The following IQCH variants were observed in gnomAD, a reference collection of about 807,000 sequenced individuals.
The protein encoded by IQCH is IQ domain-containing protein H.
Under a neutral mutation model 117.0 loss-of-function variants are expected in IQCH, and 98 were observed. The observed-to-expected ratio is 0.84, with a 90% CI of 0.71 to 0.99. The LOEUF (loss-of-function observed/expected upper bound fraction) is 0.99. Ranked by LOEUF, IQCH falls within the 50% of genes least tolerant of loss-of-function variation. IQCH has a pLI of 0.00. For synonymous variants in IQCH, 412 were observed against 448.2 expected (o/e 0.92, Z 1.02); for missense variants, 1,102 against 1,243.8 (o/e 0.89, Z 1.72).
intron 4 of IQCH, among the ~76,000 whole-genome samples, chr15:67,308,241 T>G (rs773980456): frequency 1.6e-4 from 24 of 152,158 alleles, no homozygotes; most frequent in Non-Finnish European, 2.6e-4. Context: ...AAAACAGATG[T>G]GGGTATTCAC....
In IQCH at chr15:67,417,694, G is replaced by A. The variant is rs571460992; in HGVS notation, c.2218+643G>A. Among the ~76,000 whole-genome samples, 6 of 152,088 alleles carry A rather than the reference G, an allele frequency of 3.9e-5. No homozygotes were observed. The South Asian group carries it at 1.2e-3, about 32-fold the overall frequency. On this transcript the variant is annotated intron_variant, in intron 15 of 20. Transcript: ENST00000335894. The surrounding 1 kb of genome is among the most constrained non-coding windows in gnomAD (Gnocchi z 4.3). ...GAATGAGGGAATGAATGGAGTGAAT[G>A]ATGCCTGTCTACCGTCTCAGAGGTC...
Position 67,376,737 on chromosome 15 carries a change from C to T in IQCH, c.1372+3304C>T, listed in dbSNP as rs1596283421. 6.6e-6 allele frequency among the ~76,000 whole-genome samples: 1 copy of T among 152,178 alleles called. No homozygotes were observed. Among genetic ancestry groups the T allele is most frequent in the African/African-American group, 2.4e-5 (1 of 41,528 alleles). ...GATGGCCTTTCAGTAATGTTTTTGA[C>T]CACAAAATATTTATAAAGTATTTTA... On this transcript the variant is annotated intron_variant, in intron 10 of 20. Coordinates refer to ENST00000335894, the MANE Select transcript of IQCH (RefSeq NM_001031715.3). The surrounding 1 kb of genome is among the most constrained non-coding windows in gnomAD (Gnocchi z 5.0).
intron 6 of IQCH, among the ~76,000 whole-genome samples, chr15:67,349,859 C>T (rs1461330664): frequency 6.6e-6 from 1 of 152,226 alleles, no homozygotes; most frequent in East Asian, 1.9e-4. Flanking sequence ...CAAATTAAAA[C>T]CACAGTGGGA....
At chr15:67,410,692 G>C (rs1260196568) in intron 14 of IQCH, among the ~76,000 whole-genome samples, 1 of 152,204 alleles carries the variant, frequency 6.6e-6, no homozygotes, top group African/African-American at 2.4e-5. Context: ...AGTTAGGCAT[G>C]GGGAAAGTAT....
rs1487460316 is a variant in IQCH at position 67,425,353 on chromosome 15, C to G, written c.2505+3776C>G. Reference sequence around the variant, plus strand: ...TTCTGGCCAGGTGCGGTGGCTCACGCCTGTAATCCCAGCACTTTGGGTGGC... The same window carrying G: ...TTCTGGCCAGGTGCGGTGGCTCACGGCTGTAATCCCAGCACTTTGGGTGGC... On this transcript the variant is annotated intron_variant, in intron 16 of 20. Transcript: ENST00000335894. The surrounding 1 kb of genome is among the most constrained non-coding windows in gnomAD (Gnocchi z 5.5). Among the ~76,000 whole-genome samples, 1 of 152,192 alleles carries G rather than the reference C, an allele frequency of 6.6e-6. No homozygotes were observed. The highest frequency in any genetic ancestry group is 1.9e-4 in the East Asian group (1 of 5,202).
chr15:67,487,071 G>A (rs1428804307), intron 18 of IQCH, among the ~76,000 whole-genome samples: 1 of 152,228 alleles, frequency 6.6e-6, no homozygotes, highest in African/African-American at 2.4e-5. Context: ...AGTGGCTCAC[G>A]CCTGTAATCC....
At chr15:67,306,774 A>G in intron 4 of IQCH, 5 of 1,270,682 alleles carry the variant, frequency 3.9e-6, no homozygotes, top group Non-Finnish European at 5.5e-6. Context: ...GATTTTTTCA[A>G]TATCTTCAAT....
At chr15:67,310,906 G>A (rs1313859368) in intron 4 of IQCH, among the ~76,000 whole-genome samples, 2 of 152,076 alleles carry the variant, frequency 1.3e-5, no homozygotes, top group Admixed American at 1.3e-4. Context: ...AATGGGATGT[G>A]ATAGAACATC....
intron 2 of IQCH, among the ~76,000 whole-genome samples, chr15:67,262,135 G>A (rs997894349): frequency 6.6e-6 from 1 of 151,678 alleles, no homozygotes; most frequent in Non-Finnish European, 1.5e-5. Context: ...TCCCCTAATA[G>A]CCTAAATATT....
chr15:67,453,498 A>G lies in IQCH; in HGVS notation c.2506-11629A>G, dbSNP rs993093108. Among the ~76,000 whole-genome samples, 2 of 152,236 alleles carry G rather than the reference A, an allele frequency of 1.3e-5. No homozygotes were observed. The highest frequency in any genetic ancestry group is 4.8e-5 in the African/African-American group (2 of 41,464). ...AGTTTGCTAGAAGTCCACTCCAGAC[A>G]CTGTTTGCCTGGGTATCAGCAGCGG... is the stretch of plus-strand genomic sequence containing the variant. On this transcript the variant is annotated intron_variant, in intron 16 of 20. Coordinates refer to ENST00000335894, the MANE Select transcript of IQCH (RefSeq NM_001031715.3). The surrounding 1 kb of genome is among the most constrained non-coding windows in gnomAD (Gnocchi z 5.8).
intron 4 of IQCH, among the ~76,000 whole-genome samples, chr15:67,297,289 C>T (rs908442713): frequency 8.5e-5 from 13 of 152,092 alleles, no homozygotes; most frequent in Admixed American, 2.6e-4. Flanking sequence ...TTTGAATAGA[C>T]GCAAAAATCC....
intron 3 of IQCH, among the ~76,000 whole-genome samples, chr15:67,264,736 C>T (rs796276712): frequency 2.0e-5 from 3 of 151,854 alleles, no homozygotes; most frequent in African/African-American, 7.2e-5. Context: ...TATACAAGGG[C>T]ATGAATACCA....
chr15:67,497,736 C>T (rs552026125), intron 20 of IQCH, among the ~76,000 whole-genome samples: 15 of 152,162 alleles, frequency 9.9e-5, no homozygotes, highest in Admixed American at 6.5e-4. Context: ...GTGATCCGCC[C>T]GCCTCGGCCT....
In IQCH at chr15:67,423,223, T is replaced by C. The variant is rs189635900; in HGVS notation, c.2505+1646T>C. Among the ~76,000 whole-genome samples the C allele has an allele frequency of 3.3e-5, 5 of 152,152 alleles. No homozygotes were observed. In the East Asian group the frequency reaches 9.7e-4, roughly 29 times the overall value. Reference sequence around the variant, plus strand: ...CCTGGGGAAATCTGGATGGCAGGGATGCAGGGGGAGGAGGAGCCAGGGGAG... The same window carrying C: ...CCTGGGGAAATCTGGATGGCAGGGACGCAGGGGGAGGAGGAGCCAGGGGAG... On this transcript the variant is annotated intron_variant, in intron 16 of 20. Transcript: ENST00000335894.
At chr15:67,499,297 C>CAAAAAAAAAAAAAAAAAAAAAAAAAAAAA (rs59618730) in intron 20 of IQCH, among the ~76,000 whole-genome samples, 2 of 49,148 alleles carry the variant, frequency 4.1e-5, no homozygotes, top group African/African-American at 1.7e-4. Flanking sequence ...AGACCTGTCC[C>CAAAAAAAAAAAAAAAAAAAAAAAAAAAAA]AAAAAAAAAA....
chr15:67,485,482 A>C (rs1418062632), intron 18 of IQCH, among the ~76,000 whole-genome samples: 2 of 152,130 alleles, frequency 1.3e-5, no homozygotes, highest in Non-Finnish European at 2.9e-5. Context: ...GAGAAGAGGG[A>C]GTGATTTTAA....
Position 67,385,056 on chromosome 15 carries a change from A to G in IQCH, c.1456+37A>G. On this transcript the variant is annotated intron_variant, in intron 11 of 20. Coordinates refer to ENST00000335894, the MANE Select transcript of IQCH (RefSeq NM_001031715.3). This position sits in a 1 kb window ranked among gnomAD's most constrained non-coding sequence, Gnocchi z 4.6. ...AGTTTTACACAAATGACTCTTTGGAATGTTTATCAGTGGATGTTGATAGAA... is the reference window on the plus strand; with the variant it reads ...AGTTTTACACAAATGACTCTTTGGAGTGTTTATCAGTGGATGTTGATAGAA... The G allele has an allele frequency of 7.8e-7, 1 of 1,286,028 alleles. No individual in the cohort carries two copies. Among genetic ancestry groups the G allele is most frequent in the East Asian group, 2.3e-5 (1 of 42,900 alleles). The allele number at this position is 1,286,028 out of a possible 1,614,324, so 79.7% of individuals were successfully genotyped here. A position where few individuals can be genotyped will look rare whatever the true frequency, so the allele number is the denominator to read the frequency against.
intron 4 of IQCH, among the ~76,000 whole-genome samples, chr15:67,316,594 C>G (rs1306116684): frequency 6.6e-6 from 1 of 152,146 alleles, no homozygotes; most frequent in Admixed American, 6.5e-5. Context: ...GCTAACATTT[C>G]TGAGGGCTTC....
At chr15:67,263,771 G>T (rs1050165389) in intron 3 of IQCH, among the ~76,000 whole-genome samples, 2 of 151,810 alleles carry the variant, frequency 1.3e-5, no homozygotes, top group African/African-American at 4.8e-5. Context: ...TGGTATCCAG[G>T]GTAAACAAAA....
Sources: gnomAD v4.1 joint callset for allele counts (sites outside exome capture counted in the v4.1 genomes callset) on GRCh38, gnomAD v4.1.1 for gene constraint, Gnocchi (gnomAD v3.1) non-coding constraint, MANE v1.5 for transcripts, NCBI Gene and HGNC (gene_info 2026-07-23, HGNC 2026-07-21) for gene names.